Variants in SLC17A4 observed in about 807,000 individuals in gnomAD.
SLC17A4 encodes probable small intestine urate exporter.
Under a neutral mutation model 52.5 loss-of-function variants are expected in SLC17A4, and 33 were observed. The observed-to-expected ratio is 0.63, with a 90% CI of 0.48 to 0.84. The LOEUF (loss-of-function observed/expected upper bound fraction) is 0.84. Ranked by LOEUF, SLC17A4 falls within the 40% of genes least tolerant of loss-of-function variation. The pLI is 0.00. For synonymous variants in SLC17A4, 225 were observed against 216.2 expected (o/e 1.04, Z -0.36); for missense variants, 585 against 597.1 (o/e 0.98, Z 0.21).
At chr6:25,778,419 T>C (rs1419321178) in intron 11 of SLC17A4, among the ~76,000 whole-genome samples, 1 of 152,100 alleles carries the variant, frequency 6.6e-6, no homozygotes, top group African/African-American at 2.4e-5. Flanking sequence ...CCCTTCTCTT[T>C]TCTTGAAGCT....
chr6:25,758,439 G>T (rs1009233474), intron 1 of SLC17A4, among the ~76,000 whole-genome samples: 3 of 152,170 alleles, frequency 2.0e-5, no homozygotes, highest in African/African-American at 4.8e-5. Context: ...CAAAGACAAA[G>T]TTCAATGCCT....
In SLC17A4 at chr6:25,768,968, T is replaced by A. The variant is rs778920265; in HGVS notation, c.92-17T>A. 2.0e-5 allele frequency: 33 copies of A among 1,612,242 alleles called. No individual in the cohort carries two copies. On this transcript the variant is annotated splice_polypyrimidine_tract_variant and intron_variant, in intron 2 of 11. Coordinates refer to ENST00000377905, the MANE Select transcript of SLC17A4 (RefSeq NM_005495.3). ...AAAGCATTCTGATTGTGATTTTTCA[T>A]GCCCTTTTCCTCTCAGGTTTTTGTT...
At chr6:25,763,130 C>T (rs1761690996) in intron 2 of SLC17A4, among the ~76,000 whole-genome samples, 1 of 152,178 alleles carries the variant, frequency 6.6e-6, no homozygotes, top group Non-Finnish European at 1.5e-5. Flanking sequence ...TATAATTTGT[C>T]TAAAGTGGAA....
Position 25,766,904 on chromosome 6 carries a change from T to A in SLC17A4, c.92-2081T>A, listed in dbSNP as rs139210492. ...ACTAAGTGTAATGTGGCTCCCTATA[T>A]GGGATTCTGGAACAGAAAAAGGACA... On this transcript the variant is annotated intron_variant, in intron 2 of 11. Coordinates refer to ENST00000377905, the MANE Select transcript of SLC17A4 (RefSeq NM_005495.3). Among the ~76,000 whole-genome samples the A allele has an allele frequency of 3.2e-3, 492 of 152,276 alleles. 3 individuals carry two copies. Among genetic ancestry groups the A allele is most frequent in the Middle Eastern group, 6.8e-3 (2 of 294 alleles).
At position 25,770,952 on chromosome 6, in the gene SLC17A4, C is replaced by A; in HGVS notation, c.646C>A (p.Leu216Ile). The A allele has an allele frequency of 6.2e-7, 1 of 1,613,894 alleles. No homozygotes were observed. Among genetic ancestry groups the A allele is most frequent in the Non-Finnish European group, 8.5e-7 (1 of 1,179,834 alleles). ...SGSMLGSFIV[L>I]LAGGLLCQTI... is the part of the protein sequence containing the mutation. ...GTCAATGCTGGGGTCCTTCATTGTT[C>A]TACTTGCTGGTGGTCTCCTCTGCCA... Residue 216 changes from leucine to isoleucine, a missense_variant, in exon 6 of 12, where the codon CTA (leucine) becomes ATA (isoleucine). By Grantham distance (5) the Leu-to-Ile change is conservative. Transcript: ENST00000377905.
rs774393197 is a variant in SLC17A4, at chr6:25,779,110, G to C, written c.1416G>C (p.Ser472=). The C allele has an allele frequency of 6.2e-7, 1 of 1,613,674 alleles. No homozygotes were observed. The highest frequency in any genetic ancestry group is 8.5e-7 in the Non-Finnish European group (1 of 1,179,816). The change falls in exon 12 of 12, where the codon TCG becomes TCC. Residue 472 remains serine (S), a synonymous_variant. Coordinates refer to ENST00000377905, the MANE Select transcript of SLC17A4 (RefSeq NM_005495.3). ...TGCTTTCAGCTGCTGTTAACATATC[G>C]GGCCTGGTTTTCTACCTCATCTTTG... ...VFLLSAAVNI[S]GLVFYLIFGR... is the part of the protein sequence containing the mutation.
chr6:25,778,032 C>CA lies in SLC17A4; in HGVS notation c.1359+16_1359+17insA, dbSNP rs1554127133. The CA allele has an allele frequency of 6.3e-7, 1 of 1,589,246 alleles. No individual in the cohort carries two copies. Among genetic ancestry groups the CA allele is most frequent in the Non-Finnish European group, 8.6e-7 (1 of 1,161,598 alleles). ...CATCAGTCAGGTGAGGTCAAATGTT[C>CA]TGATGAATATTCATAAAAGAAACCT... On this transcript the variant is annotated intron_variant, in intron 11 of 11. Transcript: ENST00000377905.
At chr6:25,769,737 C>T (rs1199873401) in intron 3 of SLC17A4, among the ~76,000 whole-genome samples, 1 of 152,018 alleles carries the variant, frequency 6.6e-6, no homozygotes, top group Non-Finnish European at 1.5e-5. Flanking sequence ...AAAATCACTA[C>T]AAAATATGTT....
At chr6:25,771,466 C>T (rs1369409113) in intron 6 of SLC17A4, among the ~76,000 whole-genome samples, 5 of 151,336 alleles carry the variant, frequency 3.3e-5, no homozygotes, top group African/African-American at 9.7e-5. Flanking sequence ...CCCAGCTACT[C>T]GGGAGGCTGA....
chr6:25,768,907 T>C, intron 2 of SLC17A4, 78 bp from the exon 3 acceptor site: 1 of 1,300,736 alleles, frequency 7.7e-7, no homozygotes, highest in Non-Finnish European at 1.1e-6. Flanking sequence ...CAGATACCAA[T>C]CTTCTCCTTC....
intron 10 of SLC17A4, 173 bp from the exon 11 acceptor site, chr6:25,777,753 T>C: frequency 1.7e-6 from 1 of 585,336 alleles, no homozygotes; most frequent in Non-Finnish European, 3.1e-6. Context: ...CATTCAGGTT[T>C]CACCAAGGCT....
intron 2 of SLC17A4, among the ~76,000 whole-genome samples, chr6:25,768,131 G>A (rs757841740): frequency 9.2e-5 from 14 of 152,258 alleles, no homozygotes; most frequent in Middle Eastern, 3.4e-3. Flanking sequence ...AGATTTTCAT[G>A]GGTGGTGCAT....
intron 2 of SLC17A4, chr6:25,768,275 AC>A: frequency 3.0e-6 from 2 of 663,660 alleles, no homozygotes; most frequent in Non-Finnish European, 3.7e-6. Context: ...CCTTTCAGGA[AC>A]CAAGAAAATG....
rs1426620726 is a variant in SLC17A4 at position 25,780,755 on chromosome 6, G to T, written c.*1567G>T. The T allele has an allele frequency of 1.3e-5, 2 of 152,154 alleles. No individual in the cohort carries two copies. The highest frequency in any genetic ancestry group is 4.8e-5 in the African/African-American group (2 of 41,418). The allele number at this position is 152,154 out of a possible 1,614,324, so 9.4% of individuals were successfully genotyped here. On this transcript the variant is annotated 3_prime_UTR_variant, in exon 12 of 12. Coordinates refer to ENST00000377905, the MANE Select transcript of SLC17A4 (RefSeq NM_005495.3). Reference sequence around the variant, plus strand: ...AGTCCAGGAGAGAACAATGGCCCCTGGCATGAGGCAATAGACATGGTGAGA... The same window carrying T: ...AGTCCAGGAGAGAACAATGGCCCCTTGCATGAGGCAATAGACATGGTGAGA...
At chr6:25,775,652 T>C (rs941824662) in intron 8 of SLC17A4, among the ~76,000 whole-genome samples, 3 of 152,108 alleles carry the variant, frequency 2.0e-5, no homozygotes, top group African/African-American at 7.2e-5. Flanking sequence ...GGTCTCGAAC[T>C]CCTGAGCTCA....
rs1329258230 is a variant in SLC17A4 at position 25,778,002 on chromosome 6, T to G, written c.1345T>G (p.Phe449Val). Residue 449 changes from phenylalanine (F) to valine (V), a missense_variant, in exon 11 of 12, where the codon TTT becomes GTT. Physicochemically the swap from Phe to Val is conservative, Grantham distance 50 (BLOSUM62 -1). Coordinates refer to ENST00000377905, the MANE Select transcript of SLC17A4 (RefSeq NM_005495.3). ...AGAISPTAAG[F>V]FISQDSEFGW... is the part of the protein sequence containing the mutation. ...AGCCATCTCTCCTACTGCTGCTGGA[T>G]TTTTCATCAGTCAGGTGAGGTCAAA... is the stretch of plus-strand genomic sequence containing the variant. 1 of 1,612,088 alleles carries G rather than the reference T, an allele frequency of 6.2e-7. No individual in the cohort carries two copies. The highest frequency in any genetic ancestry group is 8.5e-7 in the Non-Finnish European group (1 of 1,179,482).
chr6:25,757,209 G>C (rs543505091), intron 1 of SLC17A4, among the ~76,000 whole-genome samples: 1 of 152,122 alleles, frequency 6.6e-6, no homozygotes, highest in Non-Finnish European at 1.5e-5. Flanking sequence ...TTAGTGGTAC[G>C]TTACATAACA....
chr6:25,779,582 A>G lies in SLC17A4; in HGVS notation c.*394A>G, dbSNP rs886980715. On this transcript the variant is annotated 3_prime_UTR_variant, in exon 12 of 12. Transcript: ENST00000377905. ...CTGTCCTCAAAAGAAAGCCCCAAAC[A>G]ACAGAAAGCATAGTGTTTTCCATTG... The G allele has an allele frequency of 5.9e-6, 1 of 169,144 alleles. No homozygotes were observed. The highest frequency in any genetic ancestry group is 1.3e-5 in the Non-Finnish European group (1 of 79,336). 10.5% of individuals were successfully genotyped at this position (169,144 alleles called of 1,614,324 possible). A position where few individuals can be genotyped will look rare whatever the true frequency, so the allele number is the denominator to read the frequency against.
intron 2 of SLC17A4, among the ~76,000 whole-genome samples, chr6:25,767,214 T>C (rs529752555): frequency 2.0e-4 from 31 of 152,236 alleles, no homozygotes; most frequent in African/African-American, 6.7e-4. Context: ...AAATAGCACA[T>C]ACATATGTAC....
Sources: allele counts gnomAD v4.1 joint callset (sites outside exome capture counted in the v4.1 genomes callset), GRCh38; gene constraint gnomAD v4.1.1; transcripts MANE v1.5; gene names NCBI Gene and HGNC (gene_info 2026-07-23, HGNC 2026-07-21).